POC1B: variants seen among roughly 807,000 people sequenced by gnomAD.
The protein encoded by POC1B is POC1 centriolar protein B, also known as POC1 centriolar protein homolog B.
A neutral mutation model predicts 60.6 loss-of-function variants in POC1B; 44 were observed. That is an observed-to-expected ratio of 0.73 (90% CI 0.57 to 0.93). The LOEUF (loss-of-function observed/expected upper bound fraction) is 0.93, where lower values mean the gene tolerates loss of function less well. POC1B is among the 40% of genes least tolerant of loss of function. POC1B has a pLI of 0.00. For missense variants in POC1B, 555 were observed against 572.3 expected, an observed-to-expected ratio of 0.97 and a Z score of 0.31; for synonymous variants, 180 against 198.9, an observed-to-expected ratio of 0.90 and a Z score of 0.80.
intron 10 of POC1B, among the ~76,000 whole-genome samples, chr12:89,455,160 C>A (rs1240195822): frequency 6.6e-6 from 1 of 152,018 alleles, no homozygotes; most frequent in African/African-American, 2.4e-5. Context: ...ATGGTGAAAC[C>A]CTGTCTGTAC....
the POC1B span, among the ~76,000 whole-genome samples, chr12:89,410,096 G>A: frequency 6.6e-6 from 1 of 152,172 alleles, no homozygotes; most frequent in African/African-American, 2.4e-5. Context: ...ACATCAAAAA[G>A]CCTATCTACT....
chr12:89,524,103 C>G, intron 2 of POC1B: 1 of 1,613,906 alleles, frequency 6.2e-7, no homozygotes, highest in South Asian at 1.1e-5. Context: ...GGAGCAAAGT[C>G]GACCAGGCTT....
In POC1B at chr12:89,524,212, T is replaced by G. The variant is rs111836381; in HGVS notation, c.100+908A>C. 5.6e-6 allele frequency: 9 copies of G among 1,614,036 alleles called. No homozygotes were observed. The South Asian group carries it at 8.8e-5, about 16-fold the overall frequency. ...CATTCTTTTATCCTCTATGTGTCGATGCAGGGAAATCCTGTCACTGAGGTA... is the reference window on the plus strand; with the variant it reads ...CATTCTTTTATCCTCTATGTGTCGAGGCAGGGAAATCCTGTCACTGAGGTA... On this transcript the variant is annotated intron_variant, in intron 2 of 11. Transcript: ENST00000313546.
chr12:89,456,684 A>C lies in POC1B; in HGVS notation c.1113+2954T>G, dbSNP rs192159574. 2.4e-3 allele frequency among the ~76,000 whole-genome samples: 373 copies of C among 152,274 alleles called. 2 individuals carry two copies. The Middle Eastern group carries it at 0.037, about 15-fold the overall frequency. ...CAATAAAGCTTTAAAAATAGAGATT[A>C]GTAACAGCTTATTTTGATCCACAAT... On this transcript the variant is annotated intron_variant, in intron 10 of 11. Transcript: ENST00000313546.
chr12:89,437,785 C>T (rs1479131637), intron 10 of POC1B, among the ~76,000 whole-genome samples: 9 of 152,250 alleles, frequency 5.9e-5, no homozygotes, highest in Middle Eastern at 3.4e-3. Flanking sequence ...CAGTGGCTCA[C>T]GCCTGTAACC....
At chr12:89,465,011 T>C (rs555220957) in intron 9 of POC1B, among the ~76,000 whole-genome samples, 11 of 152,060 alleles carry the variant, frequency 7.2e-5, no homozygotes, top group Non-Finnish European at 1.5e-4. Context: ...AAAAAAAAAT[T>C]CAGTCACAAG....
chr12:89,483,988 G>A (rs1308520476), intron 4 of POC1B, among the ~76,000 whole-genome samples: 1 of 152,160 alleles, frequency 6.6e-6, no homozygotes, highest in African/African-American at 2.4e-5. Context: ...GCCATATGCA[G>A]GTGTAAATGG....
chr12:89,438,077 T>G (rs1359920018), intron 10 of POC1B, among the ~76,000 whole-genome samples: 1 of 150,264 alleles, frequency 6.7e-6, no homozygotes, highest in Non-Finnish European at 1.5e-5. Context: ...TTAAAAAATC[T>G]ATTATAGCTT....
At chr12:89,425,431 T>C in intron 10 of POC1B, 52 bp from the exon 11 acceptor site, 1 of 1,454,306 alleles carries the variant, frequency 6.9e-7, no homozygotes, top group Non-Finnish European at 9.4e-7. Flanking sequence ...AACTTTAAAA[T>C]GATATATATA....
intron 10 of POC1B, among the ~76,000 whole-genome samples, chr12:89,454,472 T>TG (rs1161205587): frequency 6.6e-6 from 1 of 152,194 alleles, no homozygotes; most frequent in African/African-American, 2.4e-5. Flanking sequence ...AGAGTGAACC[T>TG]GTTAAGACAC....
chr12:89,526,020 C>A lies in POC1B; in HGVS notation c.-125G>T. The A allele has an allele frequency of 1.3e-6, 2 of 1,537,508 alleles. No homozygotes were observed. The highest frequency in any genetic ancestry group is 1.7e-6 in the Non-Finnish European group (2 of 1,145,624). On this transcript the variant is annotated 5_prime_UTR_variant, in exon 1 of 12. Transcript: ENST00000313546. ...GTCTGCCCAGAGCGGCAGCGCCTCC[C>A]GGTCACTACAACAACGGCGGCCCAG...
chr12:89,496,452 T>C (rs1437406095), intron 3 of POC1B, among the ~76,000 whole-genome samples: 4 of 152,012 alleles, frequency 2.6e-5, no homozygotes, highest in Admixed American at 2.6e-4. Flanking sequence ...TGAAACAAGA[T>C]GGGCAGAATC....
At chr12:89,471,849 C>A (rs1882913779) in intron 5 of POC1B, 120 bp from the exon 6 acceptor site, 1 of 616,594 alleles carries the variant, frequency 1.6e-6, no homozygotes, top group African/African-American at 1.9e-5. Flanking sequence ...CTCACCGCAA[C>A]CTCCGCCTCC....
In POC1B at chr12:89,453,927, T is replaced by C. The variant is rs544608699; in HGVS notation, c.1113+5711A>G. 8.5e-5 allele frequency among the ~76,000 whole-genome samples: 13 copies of C among 152,340 alleles called. No individual in the cohort carries two copies. The East Asian group carries it at 2.5e-3, about 29-fold the overall frequency. On this transcript the variant is annotated intron_variant, in intron 10 of 11. Transcript: ENST00000313546. ...AGTATACACCATATGACAATCTCCA[T>C]GAAAGTGTATAACCTTTTTCTTCCT...
intron 2 of POC1B, chr12:89,522,918 T>C: frequency 6.2e-7 from 1 of 1,614,068 alleles, no homozygotes; most frequent in Non-Finnish European, 8.5e-7. Flanking sequence ...GACACAGTCC[T>C]GAGTGTGGGT....
intron 2 of POC1B, among the ~76,000 whole-genome samples, chr12:89,504,792 T>C (rs1217335659): frequency 1.3e-5 from 2 of 152,114 alleles, no homozygotes; most frequent in Non-Finnish European, 2.9e-5. Context: ...AAAGTGTGCA[T>C]ATACAGAATC....
chr12:89,418,572 G>A (rs1880409244), downstream of POC1B, among the ~76,000 whole-genome samples: 1 of 152,150 alleles, frequency 6.6e-6, no homozygotes, highest in Non-Finnish European at 1.5e-5. Flanking sequence ...TGTTGGAGAT[G>A]GGGCTTAAGG....
intron 2 of POC1B, among the ~76,000 whole-genome samples, chr12:89,503,076 C>T (rs1416903658): frequency 1.3e-5 from 1 of 74,708 alleles, no homozygotes; most frequent in Non-Finnish European, 2.9e-5. Context: ...GAAAAAAAGA[C>T]ATCTATCCCT....
intron 10 of POC1B, chr12:89,426,597 G>A (rs1880774281): frequency 6.6e-6 from 1 of 152,176 alleles, no homozygotes; most frequent in Admixed American, 6.5e-5. Flanking sequence ...GGAGGCCAAG[G>A]TGGGCGGATC....
Sources: allele counts gnomAD v4.1 joint callset (sites outside exome capture counted in the v4.1 genomes callset), GRCh38; gene constraint gnomAD v4.1.1; transcripts MANE v1.5; gene names NCBI Gene and HGNC (gene_info 2026-07-23, HGNC 2026-07-21).